Variants in PKP4 observed in about 807,000 individuals in gnomAD.
PKP4 encodes plakophilin-4.
In PKP4, 90 loss-of-function variants were observed where a neutral mutation model predicts 145.1. The ratio of observed to expected loss-of-function variants is 0.62; its 90% CI spans 0.52 to 0.74. The LOEUF (loss-of-function observed/expected upper bound fraction) is 0.74, where lower values mean the gene tolerates loss of function less well. Among genes scored for constraint, PKP4 ranks in the 30% least tolerant of loss-of-function variants. The pLI, the probability that PKP4 is intolerant of heterozygous loss-of-function variation, is 0.00. For missense variants in PKP4, 1,340 were observed against 1,482.7 expected, an observed-to-expected ratio of 0.90 and a Z score of 1.58; for synonymous variants, 563 against 577.2, an observed-to-expected ratio of 0.98 and a Z score of 0.35.
At chr2:158,665,223 T>C (rs2056974309) in intron 15 of PKP4, among the ~76,000 whole-genome samples, 1 of 152,116 alleles carries the variant, frequency 6.6e-6, no homozygotes, top group Non-Finnish European at 1.5e-5. Context: ...GGTCTCCAAG[T>C]GAGACAGAAG....
chr2:158,471,551 A>G (rs1314827701), intron 1 of PKP4, among the ~76,000 whole-genome samples: 3 of 152,266 alleles, frequency 2.0e-5, no homozygotes, highest in African/African-American at 2.4e-5. Flanking sequence ...AATTGTGCAC[A>G]TCACTGCAGT....
At chr2:158,634,417 T>A (rs2053643362) in intron 9 of PKP4, 128 bp downstream of exon 9, 3 of 625,130 alleles carry the variant, frequency 4.8e-6, no homozygotes, top group Non-Finnish European at 8.4e-6. Flanking sequence ...TCCATATATA[T>A]TAATACTTCC....
chr2:158,484,838 G>A (rs1211878237), intron 1 of PKP4, among the ~76,000 whole-genome samples: 2 of 152,208 alleles, frequency 1.3e-5, no homozygotes, highest in African/African-American at 2.4e-5. Flanking sequence ...TAAGTGGGGT[G>A]CAAGCACAGC....
chr2:158,663,418 C>G lies in PKP4; in HGVS notation c.2550C>G (p.Leu850=), dbSNP rs779783061. 10 of 1,613,486 alleles carry G rather than the reference C, an allele frequency of 6.2e-6. No homozygotes were observed. Among genetic ancestry groups the G allele is most frequent in the Non-Finnish European group, 7.6e-6 (9 of 1,179,842 alleles). ...PATLEGSAGS[L]QNLSAGNWKF... ...CCTTGGAAGGCTCTGCAGGGTCTCT[C>G]CAGAACCTCTCTGCTGGCAACTGGA... The change falls in exon 15 of 22, where the codon CTC becomes CTG. Residue 850 remains leucine (L), a synonymous_variant. Coordinates refer to ENST00000389759, the MANE Select transcript of PKP4 (RefSeq NM_003628.6).
intron 1 of PKP4, among the ~76,000 whole-genome samples, chr2:158,464,480 A>G (rs1690275705): frequency 6.6e-6 from 1 of 152,244 alleles, no homozygotes; most frequent in Non-Finnish European, 1.5e-5. Context: ...AAAAATCCGT[A>G]TAGAACTCTA....
At chr2:158,582,344 T>C (rs768063563) in intron 3 of PKP4, among the ~76,000 whole-genome samples, 9 of 152,234 alleles carry the variant, frequency 5.9e-5, no homozygotes, top group Non-Finnish European at 1.2e-4. Context: ...TAGTTACTTA[T>C]GCATTCAATA....
chr2:158,639,313 G>A (rs1258760684), intron 9 of PKP4, among the ~76,000 whole-genome samples: 1 of 132,430 alleles, frequency 7.6e-6, no homozygotes, highest in Admixed American at 8.1e-5. Flanking sequence ...CTAACTGAAC[G>A]CATGAGGGGT....
At chr2:158,537,892 T>A (rs1210071900) in intron 2 of PKP4, among the ~76,000 whole-genome samples, 1 of 151,908 alleles carries the variant, frequency 6.6e-6, no homozygotes, top group Non-Finnish European at 1.5e-5. Context: ...TGGCCAGGTG[T>A]GATGGTGTGC....
At chr2:158,611,806 T>C (rs1426197889) in intron 4 of PKP4, among the ~76,000 whole-genome samples, 2 of 152,178 alleles carry the variant, frequency 1.3e-5, no homozygotes, top group Non-Finnish European at 2.9e-5. Context: ...CATATATTTC[T>C]TCCTGTTTCT....
At chr2:158,503,965 C>CTTTTTTTTTTTTTT (rs59715903) in intron 1 of PKP4, among the ~76,000 whole-genome samples, 1 of 86,904 alleles carries the variant, frequency 1.2e-5, no homozygotes, top group Admixed American at 1.2e-4. Context: ...TAAATTCTGG[C>CTTTTTTTTTTTTTT]TTTTTTTTTT....
At chr2:158,537,407 C>T (rs1004945943) in intron 2 of PKP4, among the ~76,000 whole-genome samples, 3 of 152,060 alleles carry the variant, frequency 2.0e-5, no homozygotes, top group Non-Finnish European at 4.4e-5. Context: ...AAAATATCCA[C>T]CAGTGTTATG....
intron 3 of PKP4, among the ~76,000 whole-genome samples, chr2:158,579,234 A>G (rs2048121377): frequency 6.6e-6 from 1 of 152,142 alleles, no homozygotes; most frequent in Admixed American, 6.5e-5. Context: ...ACAGAATAGG[A>G]CTTGTCAGTG....
intron 4 of PKP4, among the ~76,000 whole-genome samples, chr2:158,610,476 G>A (rs199797479): frequency 8.2e-4 from 125 of 152,274 alleles, no homozygotes; most frequent in East Asian, 6.7e-3. Flanking sequence ...CTTCATGAGC[G>A]AAAATGCTAT....
At chr2:158,458,901 T>C (rs1352474717) in intron 1 of PKP4, among the ~76,000 whole-genome samples, 1 of 151,768 alleles carries the variant, frequency 6.6e-6, no homozygotes, top group East Asian at 1.9e-4. Flanking sequence ...TTAGTGGAGG[T>C]CTCAGTTTTT....
At chr2:158,563,686 G>A (rs531361453) in intron 2 of PKP4, among the ~76,000 whole-genome samples, 1 of 150,736 alleles carries the variant, frequency 6.6e-6, no homozygotes, top group African/African-American at 2.4e-5. Context: ...GGAACTAATG[G>A]GACAACAGGT....
chr2:158,518,526 T>G (rs1266953427), intron 1 of PKP4, among the ~76,000 whole-genome samples: 3 of 152,224 alleles, frequency 2.0e-5, no homozygotes, highest in South Asian at 4.1e-4. Flanking sequence ...TAGTGTCATT[T>G]CACTTTTATC....
chr2:158,521,884 A>G (rs1207596649), intron 1 of PKP4, among the ~76,000 whole-genome samples: 5 of 152,142 alleles, frequency 3.3e-5, no homozygotes, highest in Admixed American at 3.3e-4. Flanking sequence ...TCTAATGCTT[A>G]TTTTCTACAC....
At chr2:158,472,118 G>C (rs181856705) in intron 1 of PKP4, among the ~76,000 whole-genome samples, 1 of 152,266 alleles carries the variant, frequency 6.6e-6, no homozygotes. Flanking sequence ...TATCGTTAAT[G>C]ATAATATATT....
chr2:158,529,753 T>G (rs1370533196), intron 1 of PKP4, among the ~76,000 whole-genome samples: 1 of 152,270 alleles, frequency 6.6e-6, no homozygotes, highest in Non-Finnish European at 1.5e-5. Context: ...TGAGCTAACC[T>G]AAATACAGGA....
Sources: allele counts gnomAD v4.1 joint callset (sites outside exome capture counted in the v4.1 genomes callset), GRCh38; gene constraint gnomAD v4.1.1; transcripts MANE v1.5; gene names NCBI Gene and HGNC (gene_info 2026-07-23, HGNC 2026-07-21).